The following PTPRD variants were observed in gnomAD, a reference collection of about 807,000 sequenced individuals.
PTPRD encodes the protein receptor-type tyrosine-protein phosphatase delta.
In PTPRD, 34 loss-of-function variants were observed where a neutral mutation model predicts 214.5. That is an observed-to-expected ratio of 0.16 (90% CI 0.12 to 0.21). The LOEUF is 0.21. Ranked by LOEUF, PTPRD falls within the 10% of genes least tolerant of loss-of-function variation. PTPRD has a pLI of 1.00. For missense variants in PTPRD, 2,545 were observed against 2,398.7 expected (o/e 1.06, Z -1.27); for synonymous variants, 1,128 against 845.7 (o/e 1.33, Z -5.79).
chr9:10,206,703 G>A (rs1048541614), intron 3 of PTPRD, among the ~76,000 whole-genome samples: 2 of 152,166 alleles, frequency 1.3e-5, no homozygotes, highest in African/African-American at 4.8e-5. Context: ...AATTATATTT[G>A]TGATATCTAG....
At chr9:8,997,475 C>T (rs955094066) in intron 11 of PTPRD, among the ~76,000 whole-genome samples, 3 of 152,040 alleles carry the variant, frequency 2.0e-5, no homozygotes, top group Non-Finnish European at 4.4e-5. Flanking sequence ...TGTTGTGGGG[C>T]ACCACAAACC....
At chr9:10,413,679 G>T (rs2154513079) in intron 2 of PTPRD, among the ~76,000 whole-genome samples, 1 of 152,004 alleles carries the variant, frequency 6.6e-6, no homozygotes, top group South Asian at 2.1e-4. Flanking sequence ...GAACAAAGCT[G>T]GAGGCATCAC....
intron 36 of PTPRD, among the ~76,000 whole-genome samples, chr9:8,393,996 T>C (rs10977037): frequency 0.073 from 11,044 of 152,176 alleles, 517 homozygotes; most frequent in Non-Finnish European, 0.099. Context: ...TTGGTAGAGC[T>C]GTGCTTCTGT....
In PTPRD at chr9:8,733,862, C is replaced by G. The variant is rs1166324431; in HGVS notation, c.-19G>C. The stretch of plus-strand genomic sequence containing the variant: ...GCACCATCCTGCAGCTTGGCAGCAG[C>G]GTGCGCGAGCAGCTTGGAATCACTG... On this transcript the variant is annotated 5_prime_UTR_variant, in exon 12 of 46. Coordinates refer to ENST00000381196, the MANE Select transcript of PTPRD (RefSeq NM_002839.4). The G allele has an allele frequency of 6.5e-7, 1 of 1,549,628 alleles. No homozygotes were observed. The highest frequency in any genetic ancestry group is 8.7e-7 in the Non-Finnish European group (1 of 1,146,832).
rs1334290420 is a variant in PTPRD at position 8,964,190 on chromosome 9, G to GTTTTTTTTTTTTTTTTTTTTTT, written c.-104+54506_-104+54507insAAAAAAAAAAAAAAAAAAAAAA. Among the ~76,000 whole-genome samples the GTTTTTTTTTTTTTTTTTTTTTT allele has an allele frequency of 9.3e-4, 49 of 52,946 alleles. 10 individuals carry two copies. The highest frequency in any genetic ancestry group is 2.1e-3 in the East Asian group (2 of 966). 34.7% of individuals were successfully genotyped at this position (52,946 alleles called of 152,430 possible). On this transcript the variant is annotated intron_variant, in intron 11 of 45. Transcript: ENST00000381196. ...CTGTGAATCTATCTAGTTCAGGGCT[G>GTTTTTTTTTTTTTTTTTTTTTT]TGTTTTTTTTTTTTTTTTTTTTTTT... is the stretch of plus-strand genomic sequence containing the variant.
At chr9:9,988,358 G>A (rs2095795588) in intron 4 of PTPRD, among the ~76,000 whole-genome samples, 1 of 152,124 alleles carries the variant, frequency 6.6e-6, no homozygotes, top group Non-Finnish European at 1.5e-5. Flanking sequence ...CTTGAAAACT[G>A]TTTATTATGA....
chr9:9,094,707 C>A (rs2099781004), intron 10 of PTPRD, among the ~76,000 whole-genome samples: 1 of 152,030 alleles, frequency 6.6e-6, no homozygotes, highest in Non-Finnish European at 1.5e-5. Flanking sequence ...AAACTTTAGG[C>A]CCAGATGGCT....
At chr9:10,530,782 CAT>C (rs1276182961) in intron 2 of PTPRD, among the ~76,000 whole-genome samples, 2 of 152,050 alleles carry the variant, frequency 1.3e-5, no homozygotes, top group Non-Finnish European at 2.9e-5. Context: ...GAAAAATTCA[CAT>C]GTTAAAACAG....
chr9:10,191,092 A>C (rs1258949177), intron 3 of PTPRD, among the ~76,000 whole-genome samples: 3 of 152,170 alleles, frequency 2.0e-5, no homozygotes, highest in African/African-American at 7.2e-5. Flanking sequence ...AATAAAAATC[A>C]GGACTCAAGA....
Position 9,726,195 on chromosome 9 carries a change from C to T in PTPRD, c.-287+8338G>A, listed in dbSNP as rs139245370. ...ATTAGGATCTGTCTCAGAACCTCCT[C>T]GGTTAACTCCATTCCATCCTACACC... On this transcript the variant is annotated intron_variant, in intron 7 of 45. Transcript: ENST00000381196. Among the ~76,000 whole-genome samples, 110 of 152,276 alleles carry T rather than the reference C, an allele frequency of 7.2e-4. 1 individual carries two copies. The East Asian group carries it at 0.017, about 23-fold the overall frequency.
chr9:10,156,303 T>C (rs1242894302), intron 3 of PTPRD, among the ~76,000 whole-genome samples: 1 of 152,162 alleles, frequency 6.6e-6, no homozygotes, highest in Non-Finnish European at 1.5e-5. Flanking sequence ...AACACTGCCC[T>C]AGCTATGTGC....
chr9:9,315,184 C>T (rs180858272), intron 9 of PTPRD, among the ~76,000 whole-genome samples: 1 of 152,102 alleles, frequency 6.6e-6, no homozygotes, highest in East Asian at 1.9e-4. Flanking sequence ...GATAAAGAAG[C>T]TGAATTTCAC....
intron 14 of PTPRD, among the ~76,000 whole-genome samples, chr9:8,533,315 C>G (rs1411035364): frequency 6.6e-6 from 1 of 151,994 alleles, no homozygotes; most frequent in Non-Finnish European, 1.5e-5. Context: ...TCCTTTGACT[C>G]TGACCCCAAC....
At chr9:10,586,819 T>G (rs2074039046) in intron 2 of PTPRD, among the ~76,000 whole-genome samples, 1 of 151,338 alleles carries the variant, frequency 6.6e-6, no homozygotes, top group South Asian at 2.1e-4. Flanking sequence ...TTCTTTGTCA[T>G]CAATATAATT....
At chr9:9,091,610 CAG>C (rs1452785989) in intron 10 of PTPRD, among the ~76,000 whole-genome samples, 2 of 152,176 alleles carry the variant, frequency 1.3e-5, no homozygotes, top group Non-Finnish European at 2.9e-5. Flanking sequence ...CTAACACACT[CAG>C]TAAGTATTTG....
At chr9:8,849,225 G>T (rs1479565355) in intron 11 of PTPRD, among the ~76,000 whole-genome samples, 1 of 141,240 alleles carries the variant, frequency 7.1e-6, no homozygotes, top group Non-Finnish European at 1.5e-5. Flanking sequence ...CCCCAGGCTG[G>T]AGTGCATTGG....
Position 8,635,305 on chromosome 9 carries a change from G to A in PTPRD, c.210+1394C>T, listed in dbSNP as rs965815216. On this transcript the variant is annotated intron_variant, in intron 13 of 45. Transcript: ENST00000381196. ...AGGAGCCATTGTCATTAGAAAGCGT[G>A]ATGTCAAACTTCTCTTTGACAAAAA... 5.9e-5 allele frequency among the ~76,000 whole-genome samples: 9 copies of A among 151,476 alleles called. No homozygotes were observed. In the South Asian group the frequency reaches 1.9e-3, roughly 31 times the overall value.
At chr9:9,119,205 T>C (rs1444017423) in intron 10 of PTPRD, among the ~76,000 whole-genome samples, 1 of 152,224 alleles carries the variant, frequency 6.6e-6, no homozygotes, top group East Asian at 1.9e-4. Context: ...TATCATTTTA[T>C]AGGTTTACCA....
At chr9:9,758,358 A>G (rs1565033209) in intron 6 of PTPRD, among the ~76,000 whole-genome samples, 1 of 152,064 alleles carries the variant, frequency 6.6e-6, no homozygotes. Context: ...ACCTTCTCAT[A>G]TGTGAAGACT....
Sources: allele counts gnomAD v4.1 joint callset (sites outside exome capture counted in the v4.1 genomes callset), GRCh38; gene constraint gnomAD v4.1.1; transcripts MANE v1.5; gene names NCBI Gene and HGNC (gene_info 2026-07-23, HGNC 2026-07-21).